Variants in WAPL observed in about 807,000 individuals in gnomAD.
WAPL encodes the protein WAPL cohesin release factor, also known as wings apart-like protein homolog.
In WAPL, 5 loss-of-function variants were observed where a neutral mutation model predicts 121.0. That is an observed-to-expected ratio of 0.04 (90% CI 0.02 to 0.09). The LOEUF is 0.09. Ranked by LOEUF, WAPL falls within the 10% of genes least tolerant of loss-of-function variation. The pLI is 1.00. For synonymous variants in WAPL, 480 were observed against 481.5 expected (o/e 1.00, Z 0.04); for missense variants, 999 against 1,410.8 (o/e 0.71, Z 4.68).
rs1842514410 is a variant in WAPL at position 86,514,100 on chromosome 10, T to C, written c.499+3471A>G. Reference sequence around the variant, plus strand: ...TATCAAAAATTTAGGTTTGGGTTTCTAAATTTCAATTAAAATTACAAGGTT... The same window carrying C: ...TATCAAAAATTTAGGTTTGGGTTTCCAAATTTCAATTAAAATTACAAGGTT... On this transcript the variant is annotated intron_variant, in intron 2 of 18. Coordinates refer to ENST00000298767, the MANE Select transcript of WAPL (RefSeq NM_015045.5). Among the ~76,000 whole-genome samples, 3 of 152,234 alleles carry C rather than the reference T, an allele frequency of 2.0e-5. No homozygotes were observed. In the South Asian group the frequency reaches 6.2e-4, roughly 32 times the overall value.
chr10:86,504,580 G>A (rs1842308981), intron 2 of WAPL, among the ~76,000 whole-genome samples: 1 of 150,390 alleles, frequency 6.6e-6, no homozygotes, highest in South Asian at 2.1e-4. Flanking sequence ...GGGAGGCTGA[G>A]GCAGAAGAAT....
At position 86,500,036 on chromosome 10, in the gene WAPL, C is replaced by T. The variant is rs1409503062; in HGVS notation, c.1207G>A (p.Asp403Asn). 8 of 1,614,126 alleles carry T rather than the reference C, an allele frequency of 5.0e-6. No individual in the cohort carries two copies. Among genetic ancestry groups the T allele is most frequent in the Non-Finnish European group, 6.8e-6 (8 of 1,180,020 alleles). Reference protein sequence around the residue: ...GEAGRLRKKADIATSKTTTRF... With the variant: ...GEAGRLRKKANIATSKTTTRF... Reference sequence around the variant, plus strand: ...GTAGTAGTCTTAGAAGTTGCAATATCTGCCTTTTTTCTGAGACGACCAGCT... The same window carrying T: ...GTAGTAGTCTTAGAAGTTGCAATATTTGCCTTTTTTCTGAGACGACCAGCT... The change falls in exon 3 of 19, where the codon GAT (aspartate) becomes AAT (asparagine). Residue 403 changes from aspartate (D) to asparagine (N), a missense_variant. Coordinates refer to ENST00000298767, the MANE Select transcript of WAPL (RefSeq NM_015045.5).
At chr10:86,501,169 T>C (rs567304693) in intron 2 of WAPL, among the ~76,000 whole-genome samples, 1 of 152,354 alleles carries the variant, frequency 6.6e-6, no homozygotes, top group African/African-American at 2.4e-5. Context: ...TTTATTTATC[T>C]GGGATAGGGC....
At chr10:86,468,174 T>C (rs181749363) in intron 8 of WAPL, among the ~76,000 whole-genome samples, 134 of 152,198 alleles carry the variant, frequency 8.8e-4, no homozygotes, top group Middle Eastern at 3.4e-3. Flanking sequence ...AGTATATATA[T>C]ATAAAAACCT....
At chr10:86,511,212 T>C (rs913892342) in intron 2 of WAPL, among the ~76,000 whole-genome samples, 1 of 152,054 alleles carries the variant, frequency 6.6e-6, no homozygotes, top group Non-Finnish European at 1.5e-5. Context: ...GGCAGGAGGC[T>C]GAGGTGGGAG....
At chr10:86,463,368 C>A (rs1475525156) in intron 9 of WAPL, among the ~76,000 whole-genome samples, 10 of 152,230 alleles carry the variant, frequency 6.6e-5, no homozygotes, top group Non-Finnish European at 1.5e-4. Flanking sequence ...GGAGATGACA[C>A]CTCCATGCCT....
chr10:86,486,158 CATG>C (rs1841927384), intron 4 of WAPL, among the ~76,000 whole-genome samples: 1 of 152,220 alleles, frequency 6.6e-6, no homozygotes, highest in African/African-American at 2.4e-5. Flanking sequence ...CACAATACCA[CATG>C]ATGACTGGAT....
At chr10:86,501,839 GCAC>G (rs1842252846) in intron 2 of WAPL, among the ~76,000 whole-genome samples, 1 of 152,070 alleles carries the variant, frequency 6.6e-6, no homozygotes, top group African/African-American at 2.4e-5. Flanking sequence ...CTACAGGTGT[GCAC>G]CACCACACCT....
Position 86,497,311 on chromosome 10 carries a change from C to T in WAPL, c.1534G>A (p.Asp512Asn), listed in dbSNP as rs1842167763. Reference protein sequence around the residue: ...QSGTNNAENLDFTEDLPGVPE... With the variant: ...QSGTNNAENLNFTEDLPGVPE... ...ACACCAGGCAAGTCCTCTGTAAAAT[C>T]CAAGTTTTCTGAAATGGTAATCAAA... The change falls in exon 4 of 19, where the codon GAT (aspartate) becomes AAT (asparagine). Residue 512 changes from aspartate to asparagine, a missense_variant. Coordinates refer to ENST00000298767, the MANE Select transcript of WAPL (RefSeq NM_015045.5). 1.9e-6 allele frequency: 3 copies of T among 1,606,248 alleles called. No individual in the cohort carries two copies. Among genetic ancestry groups the T allele is most frequent in the Non-Finnish European group, 2.5e-6 (3 of 1,178,142 alleles).
chr10:86,496,970 T>G (rs1483909614), intron 4 of WAPL, among the ~76,000 whole-genome samples: 2 of 152,220 alleles, frequency 1.3e-5, no homozygotes, highest in Non-Finnish European at 2.9e-5. Context: ...TTGTGATGGT[T>G]ACATAACACC....
chr10:86,460,122 T>A (rs1438898092), intron 11 of WAPL, among the ~76,000 whole-genome samples: 1 of 151,926 alleles, frequency 6.6e-6, no homozygotes, highest in Non-Finnish European at 1.5e-5. Context: ...CAAAAAATAA[T>A]AATAAAAATA....
rs901011420 is a variant in WAPL at position 86,436,477 on chromosome 10, A to G, written c.*1066T>C. ...AAATCTATAAAATGTTTTGTGTTCC[A>G]TAACTGTTTTTCAAATAACTGCTCT... On this transcript the variant is annotated 3_prime_UTR_variant, in exon 19 of 19. Coordinates refer to ENST00000298767, the MANE Select transcript of WAPL (RefSeq NM_015045.5). 8 of 152,636 alleles carry G rather than the reference A, an allele frequency of 5.2e-5. No individual in the cohort carries two copies. The highest frequency in any genetic ancestry group is 1.9e-4 in the African/African-American group (8 of 41,446). 9.5% of individuals were successfully genotyped at this position (152,636 alleles called of 1,614,324 possible). A position where few individuals can be genotyped will look rare whatever the true frequency, so the allele number is the denominator to read the frequency against.
At chr10:86,496,770 T>C (rs1842158387) in intron 4 of WAPL, among the ~76,000 whole-genome samples, 1 of 152,186 alleles carries the variant, frequency 6.6e-6, no homozygotes, top group Admixed American at 6.5e-5. Flanking sequence ...ATTCATACAA[T>C]GTTCGTCCTT....
intron 2 of WAPL, among the ~76,000 whole-genome samples, chr10:86,504,805 C>A (rs1442177720): frequency 6.6e-6 from 1 of 151,962 alleles, no homozygotes; most frequent in African/African-American, 2.4e-5. Flanking sequence ...CTGAGCAACA[C>A]AGCGAGGCTC....
At chr10:86,447,290 AT>A (rs2132168522) in intron 15 of WAPL, among the ~76,000 whole-genome samples, 1 of 152,336 alleles carries the variant, frequency 6.6e-6, no homozygotes, top group Non-Finnish European at 1.5e-5. Flanking sequence ...TTTCCCAATA[AT>A]TTTCAAGCCC....
At chr10:86,452,235 G>A in intron 14 of WAPL, 104 bp from the exon 15 acceptor site, 2 of 1,053,344 alleles carry the variant, frequency 1.9e-6, no homozygotes, top group Non-Finnish European at 2.7e-6. Flanking sequence ...GAATATCAGT[G>A]TTCTACCACC....
chr10:86,498,908 T>C (rs1454118035), intron 3 of WAPL, among the ~76,000 whole-genome samples: 1 of 152,228 alleles, frequency 6.6e-6, no homozygotes, highest in East Asian at 1.9e-4. Flanking sequence ...TTTTCAATTT[T>C]ATTAAACCAA....
At chr10:86,498,702 C>T (rs192927767) in intron 3 of WAPL, among the ~76,000 whole-genome samples, 39 of 152,240 alleles carry the variant, frequency 2.6e-4, no homozygotes, top group African/African-American at 8.7e-4. Flanking sequence ...CAAATTCTTC[C>T]TCACTAGATA....
intron 12 of WAPL, among the ~76,000 whole-genome samples, chr10:86,454,845 G>A (rs185437627): frequency 0.076 from 11,285 of 148,812 alleles, 451 homozygotes; most frequent in Middle Eastern, 0.15. Flanking sequence ...CTGCCCGGCC[G>A]CGACCCCGTC....
Sources: gnomAD v4.1 joint callset for allele counts (sites outside exome capture counted in the v4.1 genomes callset) on GRCh38, gnomAD v4.1.1 for gene constraint, MANE v1.5 for transcripts, NCBI Gene and HGNC (gene_info 2026-07-23, HGNC 2026-07-21) for gene names.